The following SREBF2 variants were observed in gnomAD, a reference collection of about 807,000 sequenced individuals.
SREBF2 encodes the protein sterol regulatory element-binding protein 2.
Under a neutral mutation model 113.1 loss-of-function variants are expected in SREBF2, and 55 were observed. The ratio of observed to expected loss-of-function variants is 0.49; its 90% CI spans 0.39 to 0.61. The LOEUF (loss-of-function observed/expected upper bound fraction) is 0.61, where lower values mean the gene tolerates loss of function less well. Among genes scored for constraint, SREBF2 ranks in the 20% least tolerant of loss-of-function variants. The probability of loss-of-function intolerance (pLI) is 0.00; values close to 1 mark genes in which losing one functional copy is unlikely to be tolerated. For missense variants in SREBF2, 1,349 were observed against 1,487.4 expected (o/e 0.91, Z 1.53); for synonymous variants, 593 against 605.7 (o/e 0.98, Z 0.31).
intron 11 of SREBF2, among the ~76,000 whole-genome samples, chr22:41,891,930 C>T (rs1173506999): frequency 1.3e-5 from 2 of 152,206 alleles, no homozygotes; most frequent in Non-Finnish European, 2.9e-5. Context: ...CCCTGCAGTT[C>T]TTGTCAGTGG....
intron 1 of SREBF2, among the ~76,000 whole-genome samples, chr22:41,859,698 G>A (rs1031563028): frequency 3.3e-5 from 5 of 151,102 alleles, no homozygotes; most frequent in Non-Finnish European, 5.9e-5. Flanking sequence ...TCATCAATCC[G>A]TGAGTTAGCT....
chr22:41,865,194 C>G (rs1413990486), intron 1 of SREBF2, among the ~76,000 whole-genome samples: 1 of 151,880 alleles, frequency 6.6e-6, no homozygotes, highest in Non-Finnish European at 1.5e-5. Flanking sequence ...AGAAGGACAT[C>G]TTGGTGGAGG....
intron 1 of SREBF2, among the ~76,000 whole-genome samples, chr22:41,861,086 G>T (rs1436291447): frequency 6.6e-6 from 1 of 152,230 alleles, no homozygotes; most frequent in African/African-American, 2.4e-5. Context: ...AAAGTAGCAT[G>T]TTCAGTGTGA....
chr22:41,878,240 C>T, intron 9 of SREBF2, 117 bp downstream of exon 9: 1 of 1,359,208 alleles, frequency 7.4e-7, no homozygotes, highest in Non-Finnish European at 1.0e-6. Flanking sequence ...AGGGACCCTG[C>T]TGCTGAATAG....
At chr22:41,865,222 G>C (rs955330928) in intron 1 of SREBF2, among the ~76,000 whole-genome samples, 1 of 151,940 alleles carries the variant, frequency 6.6e-6, no homozygotes, top group Admixed American at 6.6e-5. Context: ...GAATGGAGAT[G>C]GTTCCTTTTA....
chr22:41,894,953 C>T lies in SREBF2; in HGVS notation c.2495+16C>T. On this transcript the variant is annotated intron_variant, in intron 13 of 18. Coordinates refer to ENST00000361204, the MANE Select transcript of SREBF2 (RefSeq NM_004599.4). ...AAGAGAGCTGGTAAAGTCCCCAGAC[C>T]AGTCCCCCTGCCTTAGGACCTGTCC... 1 of 1,606,480 alleles carries T rather than the reference C, an allele frequency of 6.2e-7. No homozygotes were observed. The highest frequency in any genetic ancestry group is 8.5e-7 in the Non-Finnish European group (1 of 1,173,466).
chr22:41,871,649 T>G (rs1181937034), intron 4 of SREBF2, among the ~76,000 whole-genome samples: 1 of 152,126 alleles, frequency 6.6e-6, no homozygotes, highest in Non-Finnish European at 1.5e-5. Context: ...CTCAGCACTT[T>G]GGGAGGCCAA....
At chr22:41,891,162 G>A (rs898446037) in intron 11 of SREBF2, 8 of 152,026 alleles carry the variant, frequency 5.3e-5, no homozygotes, top group African/African-American at 1.9e-4. Context: ...CAAATGTTCT[G>A]GGACCTCCGA....
At chr22:41,859,259 G>A (rs575180415) in intron 1 of SREBF2, among the ~76,000 whole-genome samples, 2 of 152,336 alleles carry the variant, frequency 1.3e-5, no homozygotes, top group Non-Finnish European at 2.9e-5. Flanking sequence ...CTTGTGGGAA[G>A]TAAGTGTCAT....
Position 41,856,089 on chromosome 22 carries a change from C to T in SREBF2, c.89-10742C>T, listed in dbSNP as rs561865656. 9.2e-5 allele frequency among the ~76,000 whole-genome samples: 14 copies of T among 151,692 alleles called. No homozygotes were observed. The East Asian group carries it at 1.9e-3, about 21-fold the overall frequency. ...AGTATAACTTTAAAGAGGCATATAA[C>T]GTTTTTTTTTGGTCTTATTTCCAAG... On this transcript the variant is annotated intron_variant, in intron 1 of 18. Transcript: ENST00000361204.
At chr22:41,839,364 G>A (rs1174742267) in intron 1 of SREBF2, among the ~76,000 whole-genome samples, 1 of 152,166 alleles carries the variant, frequency 6.6e-6, no homozygotes, top group Admixed American at 6.5e-5. Flanking sequence ...CAAGAGGAGA[G>A]AACTGGGAGA....
At chr22:41,900,215 A>G (rs2077453274) in intron 15 of SREBF2, 115 bp from the exon 16 acceptor site, 3 of 1,541,546 alleles carry the variant, frequency 1.9e-6, no homozygotes, top group Non-Finnish European at 2.6e-6. Context: ...ATTGGAGTCA[A>G]CAGATGCACA....
rs1363712331 is a variant in SREBF2 at position 41,905,713 on chromosome 22, C to A, written c.*53C>A. 3 of 1,518,084 alleles carry A rather than the reference C, an allele frequency of 2.0e-6. No homozygotes were observed. The highest frequency in any genetic ancestry group is 2.0e-5 in the Admixed American group (1 of 50,978). 94.0% of individuals were successfully genotyped at this position (1,518,084 alleles called of 1,614,324 possible). ...TCTCTCTCGATTTCTCTCTCTCCCCCTCAGCATCTTCCCGCTGAGAGTGGT... is the reference window on the plus strand; with the variant it reads ...TCTCTCTCGATTTCTCTCTCTCCCCATCAGCATCTTCCCGCTGAGAGTGGT... On this transcript the variant is annotated 3_prime_UTR_variant, in exon 19 of 19. Coordinates refer to ENST00000361204, the MANE Select transcript of SREBF2 (RefSeq NM_004599.4).
At chr22:41,868,921 AT>A in intron 3 of SREBF2, 129 bp downstream of exon 3, 1 of 1,216,760 alleles carries the variant, frequency 8.2e-7, no homozygotes, top group Non-Finnish European at 1.2e-6. Flanking sequence ...GGGCGCCAGG[AT>A]GCACCTGTGA....
intron 1 of SREBF2, among the ~76,000 whole-genome samples, chr22:41,862,756 G>GT (rs551494435): frequency 5.9e-5 from 9 of 152,250 alleles, no homozygotes; most frequent in Admixed American, 3.3e-4. Flanking sequence ...GAGGCTCTGC[G>GT]TGCCCTTCTG....
chr22:41,867,486 G>A (rs1380518555), intron 2 of SREBF2, among the ~76,000 whole-genome samples: 1 of 152,116 alleles, frequency 6.6e-6, no homozygotes, highest in African/African-American at 2.4e-5. Context: ...TATCTATTGC[G>A]CCTAATTCAA....
At position 41,868,665 on chromosome 22, in the gene SREBF2, C is replaced by G. The variant is rs747315727; in HGVS notation, c.593C>G (p.Thr198Ser). The G allele has an allele frequency of 6.2e-7, 1 of 1,614,248 alleles. No individual in the cohort carries two copies. Among genetic ancestry groups the G allele is most frequent in the East Asian group, 2.2e-5 (1 of 44,886 alleles). ...LVTSSQVQPV[T>S]IQQQVQTVQA... Reference sequence around the variant, plus strand: ...ACATCCTCCCAGGTACAGCCGGTCACCATTCAGCAGCAGGTGCAGACAGTA... The same window carrying G: ...ACATCCTCCCAGGTACAGCCGGTCAGCATTCAGCAGCAGGTGCAGACAGTA... Residue 198 changes from threonine to serine, a missense_variant, in exon 3 of 19, where the codon ACC (threonine) becomes AGC (serine). By Grantham distance (58) the Thr-to-Ser change is moderately conservative. Transcript: ENST00000361204.
rs1394513750 is a variant in SREBF2 at position 41,833,322 on chromosome 22, G to A, written c.52G>A (p.Glu18Lys). The A allele has an allele frequency of 5.3e-6, 8 of 1,519,946 alleles. No homozygotes were observed. The South Asian group carries it at 9.8e-5, about 19-fold the overall frequency. The allele number at this position is 1,519,946 out of a possible 1,614,324, so 94.2% of individuals were successfully genotyped here. A position where few individuals can be genotyped will look rare whatever the true frequency, so the allele number is the denominator to read the frequency against. The change falls in exon 1 of 19, where the codon GAG becomes AAG. Residue 18 changes from glutamate to lysine, a missense_variant. Physicochemically the swap from Glu to Lys is moderately conservative, Grantham distance 56 (BLOSUM62 1). Around this residue, in one of 2 missense-constraint regions of SREBF2, gnomAD observed 699 missense variants for 843.3 expected, o/e 0.83. Transcript: ENST00000361204. The surrounding 1 kb of genome is among the most constrained non-coding windows in gnomAD (Gnocchi z 4.1). ...GGLETMETLTELGDELTLGDI... is the reference protein window; with the variant it reads ...GGLETMETLTKLGDELTLGDI... ...TCTGGAGACCATGGAGACCCTCACG[G>A]AGCTGGGCGACGAGCTGACCCTGGG...
intron 17 of SREBF2, 152 bp from the exon 18 acceptor site, chr22:41,904,708 GGAC>G: frequency 1.4e-6 from 1 of 726,936 alleles, no homozygotes; most frequent in Admixed American, 2.0e-5. Context: ...TCAGAGTACG[GGAC>G]AACAGAGGTT....
Sources: gnomAD v4.1 joint callset for allele counts (sites outside exome capture counted in the v4.1 genomes callset) on GRCh38, gnomAD v4.1.1 for gene constraint, gnomAD v4.1.1 regional missense constraint, Gnocchi (gnomAD v3.1) non-coding constraint, MANE v1.5 for transcripts, NCBI Gene and HGNC (gene_info 2026-07-23, HGNC 2026-07-21) for gene names.